The following ESR1 variants were observed in gnomAD, a reference collection of about 807,000 sequenced individuals.
ESR1 encodes the protein estrogen receptor 1.
Under a neutral mutation model 52.7 loss-of-function variants are expected in ESR1, and 12 were observed. The ratio of observed to expected loss-of-function variants is 0.23; its 90% CI spans 0.15 to 0.37. ESR1 has a LOEUF of 0.37. Among genes scored for constraint, ESR1 ranks in the 10% least tolerant of loss-of-function variants. The pLI is 1.00. For synonymous variants in ESR1, 305 were observed against 316.8 expected (o/e 0.96, Z 0.39); for missense variants, 584 against 779.7 (o/e 0.75, Z 2.99).
At chr6:151,835,756 G>A (rs1783223110) in intron 1 of ESR1, among the ~76,000 whole-genome samples, 1 of 152,002 alleles carries the variant, frequency 6.6e-6, no homozygotes, top group South Asian at 2.1e-4. Flanking sequence ...ATGCTAGTTG[G>A]TGCAAGGAAT....
chr6:151,786,676 T>C (rs1787055255), intron 2 of ESR1, among the ~76,000 whole-genome samples: 1 of 28,730 alleles, frequency 3.5e-5, no homozygotes, highest in Non-Finnish European at 8.8e-5. Flanking sequence ...TTATTAAGAC[T>C]TTTTTTTTTT....
At chr6:152,118,756 T>C (rs897984772) in intron 6 of ESR1, among the ~76,000 whole-genome samples, 8 of 152,028 alleles carry the variant, frequency 5.3e-5, no homozygotes, top group Non-Finnish European at 1.5e-5. Context: ...GTTCAGTACA[T>C]GTATCCCAGA....
Position 151,720,033 on chromosome 6 carries a change from T to C in ESR1, c.-71+18028T>C, listed in dbSNP as rs193245197. Among the ~76,000 whole-genome samples the C allele has an allele frequency of 1.4e-3, 216 of 152,304 alleles. 1 individual carries two copies. The highest frequency in any genetic ancestry group is 3.1e-4 in the Non-Finnish European group (21 of 68,028). The stretch of plus-strand genomic sequence containing the variant: ...GAATGCAAGGTCAAAACTTAGTAGT[T>C]GATAATAATAAAGAAAGGGCAGAGT... On this transcript the variant is annotated intron_variant, in intron 2 of 2. Transcript: ENST00000404742.
At chr6:151,675,091 G>C (rs1025790845) in intron 1 of ESR1, among the ~76,000 whole-genome samples, 7 of 152,100 alleles carry the variant, frequency 4.6e-5, no homozygotes, top group African/African-American at 9.7e-5. Context: ...AATAACTAAG[G>C]GTGAGAGAGA....
chr6:151,754,326 A>ATT (rs11446767), intron 2 of ESR1, among the ~76,000 whole-genome samples: 3,435 of 144,982 alleles, frequency 0.024, 92 homozygotes, highest in East Asian at 0.057. Flanking sequence ...ATCTATTGCT[A>ATT]TTTTTTTTTT....
chr6:151,964,728 G>T (rs1377443186), intron 4 of ESR1, among the ~76,000 whole-genome samples: 2 of 151,288 alleles, frequency 1.3e-5, no homozygotes, highest in East Asian at 3.9e-4. Flanking sequence ...TGCAAGCTCT[G>T]CCTCCTGGGT....
chr6:151,998,659 ACC>A (rs1359922360), intron 4 of ESR1, among the ~76,000 whole-genome samples: 1 of 152,082 alleles, frequency 6.6e-6, no homozygotes, highest in Non-Finnish European at 1.5e-5. Context: ...GATCTTGCAG[ACC>A]CCAGATAGAG....
At chr6:151,686,082 T>C (rs1778658094), upstream of ESR1, among the ~76,000 whole-genome samples, 1 of 147,868 alleles carries the variant, frequency 6.8e-6, no homozygotes, top group Non-Finnish European at 1.5e-5. Context: ...TTTTTTTTTT[T>C]TTTTTTATTT....
intron 4 of ESR1, among the ~76,000 whole-genome samples, chr6:151,964,056 T>C (rs2037979191): frequency 6.6e-6 from 1 of 152,222 alleles, no homozygotes. Flanking sequence ...AGTATCACAC[T>C]GCTTTGATTA....
At chr6:151,915,219 A>G (rs902730369) in intron 3 of ESR1, among the ~76,000 whole-genome samples, 4 of 151,966 alleles carry the variant, frequency 2.6e-5, no homozygotes, top group Non-Finnish European at 5.9e-5. Context: ...GAAATGAAAA[A>G]CAAAAAAGAG....
intron 5 of ESR1, among the ~76,000 whole-genome samples, chr6:152,031,737 C>T (rs1472205833): frequency 4.6e-5 from 7 of 152,180 alleles, no homozygotes; most frequent in African/African-American, 7.2e-5. Context: ...ACCATTCCTT[C>T]GGAAACTATT....
chr6:152,060,942 G>GT lies in ESR1; in HGVS notation c.1236-43dup. 7 of 1,462,286 alleles carry GT rather than the reference G, an allele frequency of 4.8e-6. No homozygotes were observed. In the African/African-American group the frequency reaches 5.7e-5, roughly 12 times the overall value. The allele number at this position is 1,462,286 out of a possible 1,614,324, so 90.6% of individuals were successfully genotyped here. A position where few individuals can be genotyped will look rare whatever the true frequency, so the allele number is the denominator to read the frequency against. On this transcript the variant is annotated intron_variant, in intron 5 of 7. Transcript: ENST00000206249. ...TTTCATGTCTTGTGGAAGATTTTCT[G>GT]TTTTTTAATCTTTTTATTTATTTAT...
chr6:152,063,036 A>G (rs1360019563), intron 6 of ESR1, among the ~76,000 whole-genome samples: 2 of 152,162 alleles, frequency 1.3e-5, no homozygotes, highest in East Asian at 3.9e-4. Flanking sequence ...GGGGGAAAAA[A>G]CTTTCAGCCC....
intron 3 of ESR1, among the ~76,000 whole-genome samples, chr6:151,922,197 A>G (rs912933031): frequency 1.3e-5 from 2 of 152,206 alleles, no homozygotes; most frequent in Admixed American, 6.5e-5. Context: ...AACATGACCA[A>G]AACAAGCAAT....
At chr6:152,010,856 A>ACCTTCTCCTCCTTCTCCTCCT (rs1464211383) in intron 4 of ESR1, among the ~76,000 whole-genome samples, 1 of 151,474 alleles carries the variant, frequency 6.6e-6, no homozygotes, top group Non-Finnish European at 1.5e-5. Context: ...GGCTCAACAA[A>ACCTTCTCCTCCTTCTCCTCCT]CCTTCTCCTC....
rs191956004 is a variant in ESR1, at chr6:151,735,440, G to A, written c.-71+33435G>A. 2.0e-3 allele frequency among the ~76,000 whole-genome samples: 301 copies of A among 152,320 alleles called. 1 individual carries two copies. Among genetic ancestry groups the A allele is most frequent in the African/African-American group, 6.8e-3 (284 of 41,562 alleles). On this transcript the variant is annotated intron_variant, in intron 2 of 2. Transcript: ENST00000404742. ...TGTTGTGCTTGCTCAGAAACCATAA[G>A]CTTAGTAGAAAAATGCACCTTGCTT...
chr6:151,985,056 A>C (rs2040327179), intron 4 of ESR1, among the ~76,000 whole-genome samples: 1 of 152,088 alleles, frequency 6.6e-6, no homozygotes, highest in Admixed American at 6.5e-5. Flanking sequence ...CAATGTATGT[A>C]TGAATGTCCC....
chr6:151,957,174 A>T (rs2037094466), intron 4 of ESR1, among the ~76,000 whole-genome samples: 1 of 151,906 alleles, frequency 6.6e-6, no homozygotes, highest in African/African-American at 2.4e-5. Flanking sequence ...ACCACGTGCG[A>T]CCCACATGTC....
chr6:151,861,091 A>T (rs930450548), intron 2 of ESR1, among the ~76,000 whole-genome samples: 3 of 152,188 alleles, frequency 2.0e-5, no homozygotes, highest in African/African-American at 4.8e-5. Flanking sequence ...CACAGTATGG[A>T]ATTAAAGGTA....
Sources: gnomAD v4.1 joint callset for allele counts (sites outside exome capture counted in the v4.1 genomes callset) on GRCh38, gnomAD v4.1.1 for gene constraint, MANE v1.5 for transcripts, NCBI Gene and HGNC (gene_info 2026-07-23, HGNC 2026-07-21) for gene names.